NAALADL2: variants seen among roughly 807,000 people sequenced by gnomAD.
NAALADL2 encodes the protein N-acetylated alpha-linked acidic dipeptidase like 2.
NAALADL2 carries 76 observed loss-of-function variants against 87.2 expected under a neutral mutation model. That is an observed-to-expected ratio of 0.87 (90% CI 0.72 to 1.05). The LOEUF (loss-of-function observed/expected upper bound fraction) is 1.05, where lower values mean the gene tolerates loss of function less well. NAALADL2 is among the 50% of genes least tolerant of loss of function. NAALADL2 has a pLI of 0.00. For missense variants in NAALADL2, 1,089 were observed against 945.8 expected (o/e 1.15, Z -1.99); for synonymous variants, 354 against 331.0 (o/e 1.07, Z -0.75).
chr3:175,452,459 G>A (rs1021579082), intron 6 of NAALADL2, among the ~76,000 whole-genome samples: 3 of 152,026 alleles, frequency 2.0e-5, no homozygotes, highest in African/African-American at 7.2e-5. Context: ...GAGCAGAGTG[G>A]GCTTTAATAA....
intron 1 of NAALADL2, among the ~76,000 whole-genome samples, chr3:174,499,017 T>C (rs1718721519): frequency 6.6e-6 from 1 of 152,116 alleles, no homozygotes; most frequent in South Asian, 2.1e-4. Flanking sequence ...TATTAAAGTA[T>C]ATTATTACAA....
At chr3:174,583,583 T>C (rs989394258) in intron 2 of NAALADL2, among the ~76,000 whole-genome samples, 8 of 152,172 alleles carry the variant, frequency 5.3e-5, no homozygotes, top group Admixed American at 1.3e-4. Context: ...GGGTCAATTC[T>C]ACAGGCATTT....
chr3:174,956,370 T>C (rs1461578006), intron 1 of NAALADL2, among the ~76,000 whole-genome samples: 1 of 152,120 alleles, frequency 6.6e-6, no homozygotes, highest in Non-Finnish European at 1.5e-5. Context: ...AATATTGTCA[T>C]TGGATGAAAC....
intron 1 of NAALADL2, among the ~76,000 whole-genome samples, chr3:175,039,631 G>C (rs759857672): frequency 2.6e-5 from 4 of 152,008 alleles, no homozygotes; most frequent in Non-Finnish European, 4.4e-5. Flanking sequence ...CTTTGTGCTG[G>C]AGTACTTTGA....
intron 5 of NAALADL2, among the ~76,000 whole-genome samples, chr3:175,327,077 A>G (rs959508316): frequency 4.6e-5 from 7 of 152,106 alleles, no homozygotes; most frequent in Non-Finnish European, 8.8e-5. Flanking sequence ...TTTTTAATAT[A>G]AACAAAGTAA....
At chr3:175,538,290 A>C (rs1711631104) in intron 9 of NAALADL2, among the ~76,000 whole-genome samples, 1 of 152,118 alleles carries the variant, frequency 6.6e-6, no homozygotes, top group South Asian at 2.1e-4. Context: ...ATGTTAATAT[A>C]ATATTACACC....
At chr3:175,388,105 T>A (rs1017311931) in intron 5 of NAALADL2, among the ~76,000 whole-genome samples, 1 of 152,034 alleles carries the variant, frequency 6.6e-6, no homozygotes, top group African/African-American at 2.4e-5. Context: ...GAAACTATGA[T>A]CTCCTATCCT....
chr3:174,864,121 A>C (rs1726845859), intron 1 of NAALADL2: 2 of 453,768 alleles, frequency 4.4e-6, no homozygotes, highest in African/African-American at 2.0e-5. Context: ...TGAGTTAGGC[A>C]AAGGTGCATG....
upstream of NAALADL2, among the ~76,000 whole-genome samples, chr3:174,855,775 TACACACACAC>T (rs10576439): frequency 0.019 from 2,583 of 135,590 alleles, 75 homozygotes; most frequent in African/African-American, 0.059. Flanking sequence ...AGGAGAGAAA[TACACACACAC>T]ACACACACAC....
intron 5 of NAALADL2, among the ~76,000 whole-genome samples, chr3:175,373,052 A>G (rs1170712687): frequency 6.6e-6 from 1 of 152,206 alleles, no homozygotes; most frequent in African/African-American, 2.4e-5. Flanking sequence ...AATTTTGGTA[A>G]CTACTTGGCT....
At chr3:174,824,264 A>G (rs1425018635) in intron 3 of NAALADL2, among the ~76,000 whole-genome samples, 6 of 152,210 alleles carry the variant, frequency 3.9e-5, no homozygotes, top group Admixed American at 3.9e-4. Context: ...AATAGTAGAT[A>G]TAAGGAATTA....
intron 4 of NAALADL2, among the ~76,000 whole-genome samples, chr3:175,297,916 AT>A (rs1364976098): frequency 3.9e-5 from 6 of 152,158 alleles, no homozygotes; most frequent in African/African-American, 1.4e-4. Context: ...AATTCTGAAG[AT>A]TTAATAACTA....
Position 175,495,092 on chromosome 3 carries a change from A to ATATT in NAALADL2, c.1653+23335_1653+23336insATTT, listed in dbSNP as rs754412056. ...CAATCCCATATATATATATATATAT[A>ATATT]TTTTTTTTTAATTTTAGATTATTTC... On this transcript the variant is annotated intron_variant, in intron 9 of 13. Transcript: ENST00000454872. 2.2e-3 allele frequency among the ~76,000 whole-genome samples: 303 copies of ATATT among 136,490 alleles called. 1 individual carries two copies. The highest frequency in any genetic ancestry group is 0.011 in the Middle Eastern group (3 of 266). 89.5% of individuals were successfully genotyped at this position (136,490 alleles called of 152,430 possible). A position where few individuals can be genotyped will look rare whatever the true frequency, so the allele number is the denominator to read the frequency against.
chr3:174,588,773 G>A (rs1178029827), intron 2 of NAALADL2, among the ~76,000 whole-genome samples: 1 of 152,150 alleles, frequency 6.6e-6, no homozygotes, highest in African/African-American at 2.4e-5. Context: ...CATATGAAGT[G>A]TCAATCGGCC....
chr3:175,310,106 A>G (rs1411822739), intron 4 of NAALADL2, among the ~76,000 whole-genome samples: 2 of 152,344 alleles, frequency 1.3e-5, no homozygotes, highest in East Asian at 3.9e-4. Flanking sequence ...TAAAATTTCC[A>G]AAGTGATTTG....
At chr3:174,847,920 A>AGTCTCTGTG (rs1428329318) in intron 3 of NAALADL2, among the ~76,000 whole-genome samples, 1 of 151,644 alleles carries the variant, frequency 6.6e-6, no homozygotes, top group Non-Finnish European at 1.5e-5. Context: ...TACTGGATCC[A>AGTCTCTGTG]GTCTCTGTGG....
chr3:175,600,765 C>T (rs1722875469), intron 10 of NAALADL2, among the ~76,000 whole-genome samples: 1 of 151,826 alleles, frequency 6.6e-6, no homozygotes, highest in Non-Finnish European at 1.5e-5. Context: ...TCTCGATCTC[C>T]TGACCTCGTG....
At chr3:175,135,570 GA>G (rs1341110490) in intron 2 of NAALADL2, among the ~76,000 whole-genome samples, 2 of 151,638 alleles carry the variant, frequency 1.3e-5, no homozygotes, top group East Asian at 1.9e-4. Flanking sequence ...AATTACCGAG[GA>G]AAAAAAATCA....
At chr3:175,015,234 G>A (rs538513248) in intron 1 of NAALADL2, among the ~76,000 whole-genome samples, 2 of 152,216 alleles carry the variant, frequency 1.3e-5, no homozygotes, top group East Asian at 3.9e-4. Flanking sequence ...TGTTTACTAT[G>A]TGAAAGGAAA....
Sources: allele counts gnomAD v4.1 joint callset (sites outside exome capture counted in the v4.1 genomes callset), GRCh38; gene constraint gnomAD v4.1.1; transcripts MANE v1.5; gene names NCBI Gene and HGNC (gene_info 2026-07-23, HGNC 2026-07-21).